CDH20: variants seen among roughly 807,000 people sequenced by gnomAD.
The protein encoded by CDH20 is cadherin-20.
CDH20 carries 29 observed loss-of-function variants against 74.2 expected under a neutral mutation model. That is an observed-to-expected ratio of 0.39 (90% CI 0.29 to 0.53). The LOEUF (loss-of-function observed/expected upper bound fraction) is 0.53, where lower values mean the gene tolerates loss of function less well. Ranked by LOEUF, CDH20 falls within the 20% of genes least tolerant of loss-of-function variation. The pLI, the probability that CDH20 is intolerant of heterozygous loss-of-function variation, is 0.69. For missense variants in CDH20, 988 were observed against 1,048.3 expected, an observed-to-expected ratio of 0.94 and a Z score of 0.79; for synonymous variants, 469 against 405.4, an observed-to-expected ratio of 1.16 and a Z score of -1.88.
chr18:61,533,768 G>A (rs1912729350), intron 7 of CDH20, among the ~76,000 whole-genome samples: 1 of 152,072 alleles, frequency 6.6e-6, no homozygotes, highest in Non-Finnish European at 1.5e-5. Context: ...TAACATTTAA[G>A]TCTTTAATCC....
rs766151656 is a variant in CDH20 at position 61,539,127 on chromosome 18, G to A, written c.1512G>A (p.Glu504=). The change falls in exon 9 of 12, where the codon GAG becomes GAA. Residue 504 remains glutamate, a synonymous_variant. Coordinates refer to ENST00000262717, the MANE Select transcript of CDH20 (RefSeq NM_031891.4). ...FPRFYEAFVC[E]NAKAGQLIQT... is the part of the protein sequence containing the mutation. ...GATTCTATGAAGCTTTTGTCTGTGAGAACGCCAAGGCAGGACAGGTAAGGT... is the reference window on the plus strand; with the variant it reads ...GATTCTATGAAGCTTTTGTCTGTGAAAACGCCAAGGCAGGACAGGTAAGGT... 28 of 1,614,136 alleles carry A rather than the reference G, an allele frequency of 1.7e-5. No individual in the cohort carries two copies. The East Asian group carries it at 6.2e-4, about 36-fold the overall frequency.
intron 1 of CDH20, among the ~76,000 whole-genome samples, chr18:61,388,437 A>G (rs770136551): frequency 1.3e-5 from 2 of 152,126 alleles, no homozygotes; most frequent in African/African-American, 2.4e-5. Context: ...TTATTTTACT[A>G]TGGTTGACAA....
intron 10 of CDH20, among the ~76,000 whole-genome samples, chr18:61,545,982 G>C (rs569644173): frequency 6.6e-6 from 1 of 152,192 alleles, no homozygotes; most frequent in South Asian, 2.1e-4. Flanking sequence ...GATGGGAAAA[G>C]GAAGGACTTT....
intron 1 of CDH20, among the ~76,000 whole-genome samples, chr18:61,461,421 C>T (rs934795751): frequency 6.6e-6 from 1 of 151,892 alleles, no homozygotes; most frequent in African/African-American, 2.4e-5. Flanking sequence ...ATGCTCCCTC[C>T]ACAGCCACTA....
chr18:61,368,116 A>C (rs1910917156), intron 1 of CDH20, among the ~76,000 whole-genome samples: 1 of 152,120 alleles, frequency 6.6e-6, no homozygotes, highest in South Asian at 2.1e-4. Flanking sequence ...AACCCATAAC[A>C]GGACCCTTGT....
chr18:61,544,136 T>A (rs1913141274), intron 9 of CDH20, among the ~76,000 whole-genome samples: 1 of 152,242 alleles, frequency 6.6e-6, no homozygotes, highest in Non-Finnish European at 1.5e-5. Context: ...TGCAGGGAAG[T>A]TTCACATGGA....
chr18:61,377,917 C>A (rs1052041928), intron 1 of CDH20, among the ~76,000 whole-genome samples: 1 of 152,080 alleles, frequency 6.6e-6, no homozygotes, highest in Non-Finnish European at 1.5e-5. Context: ...TTATTTACTT[C>A]ACATTTTTGA....
chr18:61,414,534 A>G (rs1341154751), intron 1 of CDH20, among the ~76,000 whole-genome samples: 1 of 152,138 alleles, frequency 6.6e-6, no homozygotes, highest in East Asian at 1.9e-4. Context: ...TGCATTGTAT[A>G]CAAGTGTCAA....
chr18:61,428,257 GA>G (rs1250664947), intron 1 of CDH20, among the ~76,000 whole-genome samples: 1 of 152,134 alleles, frequency 6.6e-6, no homozygotes, highest in Non-Finnish European at 1.5e-5. Context: ...AATCAAGTAA[GA>G]GATCCCTCGG....
At chr18:61,539,279 C>T (rs995556958) in intron 9 of CDH20, 134 bp downstream of exon 9, 8 of 867,118 alleles carry the variant, frequency 9.2e-6, no homozygotes, top group African/African-American at 3.4e-5. Context: ...CCCTAATTCC[C>T]GTATATCAGG....
intron 1 of CDH20, among the ~76,000 whole-genome samples, chr18:61,472,778 G>C (rs1249238428): frequency 6.6e-6 from 1 of 152,182 alleles, no homozygotes; most frequent in African/African-American, 2.4e-5. Context: ...CCTGCCAACA[G>C]AAAATCTTTA....
intron 7 of CDH20, among the ~76,000 whole-genome samples, chr18:61,533,394 G>A (rs1912715721): frequency 6.6e-6 from 1 of 152,176 alleles, no homozygotes; most frequent in Admixed American, 6.5e-5. Flanking sequence ...AGAGATGTTG[G>A]AAAAATTTTA....
Position 61,390,913 on chromosome 18 carries a change from G to C in CDH20, c.-153+57086G>C, listed in dbSNP as rs77504790. On this transcript the variant is annotated intron_variant, in intron 1 of 11. Coordinates refer to ENST00000262717, the MANE Select transcript of CDH20 (RefSeq NM_031891.4). ...TTTTTCTAGGCTTGGAGTGAGGAAG[G>C]CCTTTTGAATATATCAACAAAACTA... Among the ~76,000 whole-genome samples the C allele has an allele frequency of 5.2e-3, 786 of 152,176 alleles. 7 individuals are homozygous for C. The highest frequency in any genetic ancestry group is 0.018 in the African/African-American group (736 of 41,506).
chr18:61,395,635 C>T (rs1911937884), intron 1 of CDH20, among the ~76,000 whole-genome samples: 2 of 152,200 alleles, frequency 1.3e-5, no homozygotes, highest in South Asian at 4.1e-4. Flanking sequence ...ATCCCATACT[C>T]CAATCACAGA....
chr18:61,347,150 TCAAA>T (rs1380574889), intron 1 of CDH20, among the ~76,000 whole-genome samples: 2 of 146,762 alleles, frequency 1.4e-5, no homozygotes, highest in Non-Finnish European at 1.5e-5. Flanking sequence ...ATGTTAACTA[TCAAA>T]CACACAAAAA....
intron 1 of CDH20, among the ~76,000 whole-genome samples, chr18:61,368,710 A>G (rs1202656981): frequency 2.0e-5 from 3 of 152,094 alleles, no homozygotes; most frequent in Non-Finnish European, 4.4e-5. Context: ...GTAAAAGTAC[A>G]CTATTTAATA....
At chr18:61,350,956 C>T (rs1910284871) in intron 1 of CDH20, among the ~76,000 whole-genome samples, 1 of 152,130 alleles carries the variant, frequency 6.6e-6, no homozygotes, top group South Asian at 2.1e-4. Context: ...TCCTGTGTGC[C>T]CAGGAAGAGG....
chr18:61,426,900 G>A (rs1226880093), intron 1 of CDH20, among the ~76,000 whole-genome samples: 2 of 152,118 alleles, frequency 1.3e-5, no homozygotes, highest in Admixed American at 6.5e-5. Context: ...TTAGAGCCCT[G>A]AACGAGGGAG....
intron 1 of CDH20, among the ~76,000 whole-genome samples, chr18:61,484,310 G>C (rs1910684024): frequency 6.6e-6 from 1 of 152,194 alleles, no homozygotes. Flanking sequence ...ATTGCCCATA[G>C]ACTGGGCTGT....
Sources: allele counts gnomAD v4.1 joint callset (sites outside exome capture counted in the v4.1 genomes callset), GRCh38; gene constraint gnomAD v4.1.1; transcripts MANE v1.5; gene names NCBI Gene and HGNC (gene_info 2026-07-23, HGNC 2026-07-21).